The following EHBP1 variants were observed in gnomAD, a reference collection of about 807,000 sequenced individuals.
EHBP1 encodes the protein EH domain binding protein 1.
EHBP1 carries 55 observed loss-of-function variants against 144.0 expected under a neutral mutation model. That is an observed-to-expected ratio of 0.38 (90% CI 0.31 to 0.48). The LOEUF (loss-of-function observed/expected upper bound fraction) is 0.48, where lower values mean the gene tolerates loss of function less well. Among genes scored for constraint, EHBP1 ranks in the 20% least tolerant of loss-of-function variants. EHBP1 has a pLI of 0.98. For missense variants in EHBP1, 1,200 were observed against 1,364.2 expected (o/e 0.88, Z 1.90); for synonymous variants, 469 against 472.7 (o/e 0.99, Z 0.10).
chr2:62,957,181 A>G, intron 14 of EHBP1, among the ~76,000 whole-genome samples: 1 of 152,214 alleles, frequency 6.6e-6, no homozygotes, highest in Non-Finnish European at 1.5e-5. Flanking sequence ...GGAATGCAAG[A>G]TTGTTTAATT....
intron 14 of EHBP1, among the ~76,000 whole-genome samples, chr2:62,961,183 C>T (rs2057984014): frequency 6.6e-6 from 1 of 152,204 alleles, no homozygotes; most frequent in South Asian, 2.1e-4. Context: ...TGTAATTTCC[C>T]TTAAAGGACA....
intron 5 of EHBP1, among the ~76,000 whole-genome samples, chr2:62,817,543 A>G (rs1175523975): frequency 2.0e-5 from 3 of 152,164 alleles, no homozygotes; most frequent in Non-Finnish European, 4.4e-5. Context: ...TCGGTCCAGT[A>G]AGGGCTTTTT....
intron 3 of EHBP1, among the ~76,000 whole-genome samples, chr2:62,764,010 G>C (rs2040970643): frequency 6.6e-6 from 1 of 151,892 alleles, no homozygotes; most frequent in African/African-American, 2.4e-5. Context: ...TGTATGAGGG[G>C]ATAAAGATTT....
chr2:62,951,538 G>A (rs566640185), intron 13 of EHBP1, among the ~76,000 whole-genome samples: 2 of 142,134 alleles, frequency 1.4e-5, no homozygotes, highest in East Asian at 2.1e-4. Context: ...TTTTTTTGGG[G>A]GGGGGGGGTG....
At chr2:62,907,333 A>C (rs986051488) in intron 10 of EHBP1, among the ~76,000 whole-genome samples, 3 of 152,140 alleles carry the variant, frequency 2.0e-5, no homozygotes, top group African/African-American at 7.2e-5. Flanking sequence ...AGCTATTCTG[A>C]TAGGTGTGTG....
intron 5 of EHBP1, among the ~76,000 whole-genome samples, chr2:62,823,811 T>A (rs2046156617): frequency 6.6e-6 from 1 of 152,002 alleles, no homozygotes; most frequent in Non-Finnish European, 1.5e-5. Flanking sequence ...AGACATTATA[T>A]CAAGGACATA....
chr2:62,820,710 GGTGTGTGT>G (rs374529607), intron 5 of EHBP1, among the ~76,000 whole-genome samples: 3 of 88,710 alleles, frequency 3.4e-5, no homozygotes, highest in African/African-American at 8.7e-5. Flanking sequence ...TATTCCATTG[GGTGTGTGT>G]GTGTGTGTGT....
chr2:62,875,622 AATG>A (rs2050834146), intron 10 of EHBP1, among the ~76,000 whole-genome samples: 3 of 152,222 alleles, frequency 2.0e-5, no homozygotes, highest in Non-Finnish European at 4.4e-5. Flanking sequence ...GCTCCCCAGC[AATG>A]ATACTTAACC....
At chr2:62,819,536 A>G (rs2045724045) in intron 5 of EHBP1, among the ~76,000 whole-genome samples, 1 of 152,108 alleles carries the variant, frequency 6.6e-6, no homozygotes, top group Non-Finnish European at 1.5e-5. Context: ...CAAGCAGATC[A>G]CCTGAGGTTG....
intron 14 of EHBP1, among the ~76,000 whole-genome samples, chr2:62,977,499 A>G (rs2058768532): frequency 6.6e-6 from 1 of 152,180 alleles, no homozygotes; most frequent in Non-Finnish European, 1.5e-5. Flanking sequence ...CCATGATGGT[A>G]TGATACATTC....
In EHBP1 at chr2:62,706,830, T is replaced by C. The variant is rs1001988415; in HGVS notation, c.-295-67T>C. 3 of 202,436 alleles carry C rather than the reference T, an allele frequency of 1.5e-5. No individual in the cohort carries two copies. The South Asian group carries it at 2.8e-4, about 19-fold the overall frequency. The allele number at this position is 202,436 out of a possible 1,614,324, so 12.5% of individuals were successfully genotyped here. ...CTTTTGCAGCGTTATTTAACATGGG[T>C]GGTTAGTCATTTCTCATGATTCTCT... On this transcript the variant is annotated intron_variant, in intron 1 of 22. Coordinates refer to ENST00000431489, the MANE Select transcript of EHBP1 (RefSeq NM_001142616.3).
chr2:63,045,650 C>A lies in EHBP1; in HGVS notation c.*150C>A, dbSNP rs1038978738. The stretch of plus-strand genomic sequence containing the variant: ...TCTACTTTACCACCACCACCCTTTT[C>A]CTCCCTCCTTTCCAAATAATATACA... On this transcript the variant is annotated 3_prime_UTR_variant, in exon 23 of 23. Transcript: ENST00000431489. The surrounding 1 kb of genome is among the most constrained non-coding windows in gnomAD (Gnocchi z 5.7). 2 of 620,040 alleles carry A rather than the reference C, an allele frequency of 3.2e-6. No homozygotes were observed. Among genetic ancestry groups the A allele is most frequent in the Non-Finnish European group, 2.8e-6 (1 of 353,824 alleles). The allele number at this position is 620,040 out of a possible 1,614,324, so 38.4% of individuals were successfully genotyped here.
chr2:62,990,955 A>G (rs2059390536), intron 16 of EHBP1, 115 bp downstream of exon 16: 1 of 1,310,696 alleles, frequency 7.6e-7, no homozygotes, highest in Non-Finnish European at 1.0e-6. Context: ...TATTAAGATT[A>G]GGGTATAAGA....
chr2:62,786,199 G>A (rs1021899069), intron 5 of EHBP1, among the ~76,000 whole-genome samples: 1 of 152,180 alleles, frequency 6.6e-6, no homozygotes, highest in Non-Finnish European at 1.5e-5. Context: ...TAGAACATGA[G>A]GGGAGGAAGG....
At chr2:62,734,303 G>A (rs1029622669) in intron 2 of EHBP1, among the ~76,000 whole-genome samples, 6 of 149,600 alleles carry the variant, frequency 4.0e-5, no homozygotes, top group African/African-American at 7.4e-5. Flanking sequence ...TTTTCTTCTA[G>A]TACTTATATG....
intron 2 of EHBP1, 128 bp downstream of exon 2, chr2:62,707,423 C>A: frequency 1.5e-6 from 1 of 665,916 alleles, no homozygotes; most frequent in Non-Finnish European, 2.7e-6. Context: ...GGGTGGGGCG[C>A]AGATAACTCT....
Position 63,037,567 on chromosome 2 carries a change from C to G in EHBP1, c.3136C>G (p.Gln1046Glu), listed in dbSNP as rs1479076519. The G allele has an allele frequency of 6.2e-7, 1 of 1,607,034 alleles. No homozygotes were observed. Among genetic ancestry groups the G allele is most frequent in the Non-Finnish European group, 8.5e-7 (1 of 1,176,296 alleles). ...CACAGAAGAAGAAGAAGCTATGATG[C>G]AGGAATGGTTTATGTTAGTTAATAA... ...RNTEEEEAMM[Q>E]EWFMLVNKKN... The change falls in exon 20 of 23, where the codon CAG becomes GAG. Residue 1046 changes from glutamine (Q) to glutamate (E), a missense_variant. Physicochemically the swap from Gln to Glu is conservative, Grantham distance 29 (BLOSUM62 2). This residue lies in a region of EHBP1 where 149 missense variants were observed against 217.0 expected (regional missense o/e 0.69). Coordinates refer to ENST00000431489, the MANE Select transcript of EHBP1 (RefSeq NM_001142616.3).
At chr2:62,928,373 A>G (rs1440108290) in intron 10 of EHBP1, among the ~76,000 whole-genome samples, 2 of 152,184 alleles carry the variant, frequency 1.3e-5, no homozygotes, top group African/African-American at 2.4e-5. Flanking sequence ...GGTGGGAATC[A>G]AAAAGTAAGT....
chr2:62,997,726 C>G (rs1213222612), intron 19 of EHBP1, among the ~76,000 whole-genome samples: 2 of 151,838 alleles, frequency 1.3e-5, no homozygotes, highest in African/African-American at 4.8e-5. Flanking sequence ...AGAACTTCTC[C>G]AAAAATAAGC....
Sources: allele counts gnomAD v4.1 joint callset (sites outside exome capture counted in the v4.1 genomes callset), GRCh38; gene constraint gnomAD v4.1.1; regional missense constraint gnomAD v4.1.1; non-coding constraint Gnocchi (gnomAD v3.1); transcripts MANE v1.5; gene names NCBI Gene and HGNC (gene_info 2026-07-23, HGNC 2026-07-21).